Variants in ABLIM2 observed in about 807,000 individuals in gnomAD.
The protein encoded by ABLIM2 is actin binding LIM protein family member 2, also known as actin-binding LIM protein 2.
ABLIM2 carries 53 observed loss-of-function variants against 97.7 expected under a neutral mutation model. The observed-to-expected ratio is 0.54, with a 90% CI of 0.44 to 0.68. The LOEUF is 0.68. Ranked by LOEUF, ABLIM2 falls within the 30% of genes least tolerant of loss-of-function variation. The probability of loss-of-function intolerance (pLI) is 0.00; values close to 1 mark genes in which losing one functional copy is unlikely to be tolerated. For synonymous variants in ABLIM2, 361 were observed against 345.8 expected (o/e 1.04, Z -0.49); for missense variants, 835 against 867.2 (o/e 0.96, Z 0.47).
chr4:8,080,432 G>C (rs541678858), intron 5 of ABLIM2, among the ~76,000 whole-genome samples: 31 of 152,234 alleles, frequency 2.0e-4, no homozygotes, highest in Non-Finnish European at 4.1e-4. Context: ...AAAAAAAGGA[G>C]CCGGATGCTG....
rs1378356863 is a variant in ABLIM2 at position 8,130,936 on chromosome 4, C to A, written c.11-24299G>T. On this transcript the variant is annotated intron_variant, in intron 1 of 20. Coordinates refer to ENST00000447017, the MANE Select transcript of ABLIM2 (RefSeq NM_001130083.2). The surrounding 1 kb of genome is among the most constrained non-coding windows in gnomAD (Gnocchi z 4.2). ...AGGTGGCCCCAGGGCTGAGCTCCCC[C>A]AAAGGCTCTAGGGGAGGCTGCCGTT... Among the ~76,000 whole-genome samples, 2 of 152,298 alleles carry A rather than the reference C, an allele frequency of 1.3e-5. No individual in the cohort carries two copies. Among genetic ancestry groups the A allele is most frequent in the South Asian group, 2.1e-4 (1 of 4,834 alleles).
chr4:8,123,581 C>A lies in ABLIM2; in HGVS notation c.11-16944G>T, dbSNP rs1233431981. 6.6e-6 allele frequency among the ~76,000 whole-genome samples: 1 copy of A among 152,204 alleles called. No homozygotes were observed. The highest frequency in any genetic ancestry group is 1.5e-5 in the Non-Finnish European group (1 of 68,034). On this transcript the variant is annotated intron_variant, in intron 1 of 20. Coordinates refer to ENST00000447017, the MANE Select transcript of ABLIM2 (RefSeq NM_001130083.2). The surrounding 1 kb of genome is among the most constrained non-coding windows in gnomAD (Gnocchi z 6.2). ...TGGCTGGCCTGGAGCCCAGGGAAAGCCAGGCCAGGCAGGGGAAACTGGCTG... is the reference window on the plus strand; with the variant it reads ...TGGCTGGCCTGGAGCCCAGGGAAAGACAGGCCAGGCAGGGGAAACTGGCTG...
At chr4:8,006,965 G>A (rs578044723) in intron 16 of ABLIM2, 23 of 942,632 alleles carry the variant, frequency 2.4e-5, no homozygotes, top group Non-Finnish European at 2.8e-5. Context: ...CCAGGCGGGG[G>A]CAGAGGCCTG....
chr4:8,158,593 C>T, intron 1 of ABLIM2, 87 bp downstream of exon 1: 2 of 1,444,226 alleles, frequency 1.4e-6, no homozygotes, highest in Non-Finnish European at 9.2e-7. Flanking sequence ...CCCGGCGTTG[C>T]AGGTGCAGCC....
In ABLIM2 at chr4:8,001,594, G is replaced by C. The variant is rs1258774244; in HGVS notation, c.1618+6465C>G. Among the ~76,000 whole-genome samples, 1 of 152,072 alleles carries C rather than the reference G, an allele frequency of 6.6e-6. No homozygotes were observed. The highest frequency in any genetic ancestry group is 1.5e-5 in the Non-Finnish European group (1 of 67,990). The stretch of plus-strand genomic sequence containing the variant: ...TCTCTGGGGGCTCAGAGAGCACCCT[G>C]CCTGCCCAGCAGGAGGCCAGGCCTT... On this transcript the variant is annotated intron_variant, in intron 16 of 20. Transcript: ENST00000447017. This position sits in a 1 kb window ranked among gnomAD's most constrained non-coding sequence, Gnocchi z 4.2.
In ABLIM2 at chr4:8,019,389, T is replaced by C. The variant is rs1303232526; in HGVS notation, c.1423+229A>G. ...TGGCTGATGTGCATTAGCCTCGGCG[T>C]CGTAACGCACAGAAGTTCCTTACTC... On this transcript the variant is annotated intron_variant, in intron 14 of 20. Transcript: ENST00000447017. This position sits in a 1 kb window ranked among gnomAD's most constrained non-coding sequence, Gnocchi z 4.3. 6.6e-6 allele frequency among the ~76,000 whole-genome samples: 1 copy of C among 152,134 alleles called. No homozygotes were observed. Among genetic ancestry groups the C allele is most frequent in the Non-Finnish European group, 1.5e-5 (1 of 68,024 alleles).
intron 3 of ABLIM2, 71 bp from the exon 4 acceptor site, chr4:8,088,355 G>T: frequency 7.9e-7 from 1 of 1,263,456 alleles, no homozygotes; most frequent in Non-Finnish European, 1.1e-6. Context: ...CTGTCCCAGT[G>T]CAGGAGACCA....
At position 8,128,168 on chromosome 4, in the gene ABLIM2, T is replaced by A. The variant is rs1034581141; in HGVS notation, c.11-21531A>T. ...AGGGCTCCTGTTTCTGCCCCCACCT[T>A]CACAGGCCGTCTTCCCTGTGTGTCT... On this transcript the variant is annotated intron_variant, in intron 1 of 20. Transcript: ENST00000447017. This position sits in a 1 kb window ranked among gnomAD's most constrained non-coding sequence, Gnocchi z 4.9. 1.3e-5 allele frequency among the ~76,000 whole-genome samples: 2 copies of A among 152,152 alleles called. No individual in the cohort carries two copies. Among genetic ancestry groups the A allele is most frequent in the Non-Finnish European group, 2.9e-5 (2 of 68,022 alleles).
In ABLIM2 at chr4:8,027,318, C is replaced by T. The variant is rs139318666; in HGVS notation, c.1267+441G>A. On this transcript the variant is annotated intron_variant, in intron 12 of 20. Transcript: ENST00000447017. ...GAGTTGGAGCCACACTGGGTGTGAACCCTGCCCTGGGCCCCAGGAGCTCTG... is the reference window on the plus strand; with the variant it reads ...GAGTTGGAGCCACACTGGGTGTGAATCCTGCCCTGGGCCCCAGGAGCTCTG... 1.3e-3 allele frequency among the ~76,000 whole-genome samples: 203 copies of T among 152,292 alleles called. 1 individual carries two copies. The highest frequency in any genetic ancestry group is 4.6e-3 in the African/African-American group (193 of 41,554).
intron 3 of ABLIM2, among the ~76,000 whole-genome samples, chr4:8,090,521 G>A (rs1017118682): frequency 6.6e-6 from 1 of 152,082 alleles, no homozygotes; most frequent in African/African-American, 2.4e-5. Context: ...TGTGACAAAT[G>A]TACACACCCA....
At chr4:8,126,675 C>G (rs1848116268) in intron 1 of ABLIM2, among the ~76,000 whole-genome samples, 1 of 152,126 alleles carries the variant, frequency 6.6e-6, no homozygotes, top group Admixed American at 6.5e-5. Context: ...GCAGGTGCTA[C>G]TGCGTGGTGT....
chr4:8,044,202 A>C lies in ABLIM2; in HGVS notation c.900+962T>G, dbSNP rs1475583285. 6.6e-6 allele frequency among the ~76,000 whole-genome samples: 1 copy of C among 152,184 alleles called. No homozygotes were observed. Among genetic ancestry groups the C allele is most frequent in the Non-Finnish European group, 1.5e-5 (1 of 68,030 alleles). The stretch of plus-strand genomic sequence containing the variant: ...CAGTGGATCCAGCCTCCGCTGAGGC[A>C]TGAAGAACCCAGGTCCTGGCCTGGC... On this transcript the variant is annotated intron_variant, in intron 9 of 20. Transcript: ENST00000447017. This position sits in a 1 kb window ranked among gnomAD's most constrained non-coding sequence, Gnocchi z 4.4.
intron 2 of ABLIM2, among the ~76,000 whole-genome samples, chr4:8,105,073 C>T (rs529342902): frequency 5.9e-5 from 9 of 152,292 alleles, no homozygotes; most frequent in East Asian, 5.8e-4. Flanking sequence ...AAGCTCCTCG[C>T]GCTTCCAGAC....
At chr4:8,101,779 A>T (rs1834781776) in intron 2 of ABLIM2, among the ~76,000 whole-genome samples, 1 of 152,234 alleles carries the variant, frequency 6.6e-6, no homozygotes, top group South Asian at 2.1e-4. Flanking sequence ...GTTAAAACAT[A>T]TTCCCAAAGC....
intron 8 of ABLIM2, among the ~76,000 whole-genome samples, chr4:8,052,119 C>A (rs1178190219): frequency 6.6e-6 from 1 of 152,172 alleles, no homozygotes; most frequent in Non-Finnish European, 1.5e-5. Flanking sequence ...TTTTCTAATT[C>A]TACTAGAGAT....
chr4:8,116,514 G>T (rs577559870), intron 1 of ABLIM2, among the ~76,000 whole-genome samples: 2 of 152,306 alleles, frequency 1.3e-5, no homozygotes, highest in South Asian at 2.1e-4. Flanking sequence ...TTTGCAAGGG[G>T]TCTGTAAATG....
At chr4:8,114,221 T>A (rs1841690025) in intron 1 of ABLIM2, among the ~76,000 whole-genome samples, 1 of 152,178 alleles carries the variant, frequency 6.6e-6, no homozygotes, top group Non-Finnish European at 1.5e-5. Flanking sequence ...CCTGTGCTGA[T>A]GTGTGCTCAG....
At position 7,966,794 on chromosome 4, in the gene ABLIM2, GCC is replaced by G; in HGVS notation, c.*194_*195del. The G allele has an allele frequency of 1.8e-6, 1 of 570,370 alleles. No individual in the cohort carries two copies. The highest frequency in any genetic ancestry group is 2.3e-5 in the South Asian group (1 of 43,510). 35.3% of individuals were successfully genotyped at this position (570,370 alleles called of 1,614,324 possible). A position where few individuals can be genotyped will look rare whatever the true frequency, so the allele number is the denominator to read the frequency against. Reference sequence around the variant, plus strand: ...AGCGGGGAAGGGTGGCGTGAAGCTAGCCGTCTCGGCCCTAAACTACCGGCAGG... The same window carrying G: ...AGCGGGGAAGGGTGGCGTGAAGCTAGGTCTCGGCCCTAAACTACCGGCAGG... On this transcript the variant is annotated 3_prime_UTR_variant, in exon 21 of 21. Transcript: ENST00000447017.
chr4:8,087,063 G>A lies in ABLIM2; in HGVS notation c.454+1106C>T, dbSNP rs1051906143. Among the ~76,000 whole-genome samples the A allele has an allele frequency of 3.3e-5, 5 of 152,304 alleles. No individual in the cohort carries two copies. Among genetic ancestry groups the A allele is most frequent in the African/African-American group, 7.2e-5 (3 of 41,568 alleles). On this transcript the variant is annotated intron_variant, in intron 4 of 20. Coordinates refer to ENST00000447017, the MANE Select transcript of ABLIM2 (RefSeq NM_001130083.2). This position sits in a 1 kb window ranked among gnomAD's most constrained non-coding sequence, Gnocchi z 4.6. ...AATCGCCTCTGTAGAGACTCTCAAC[G>A]CAGCAGACAAGGTGGGGGAGAAAGG...
Sources: gnomAD v4.1 joint callset for allele counts (sites outside exome capture counted in the v4.1 genomes callset) on GRCh38, gnomAD v4.1.1 for gene constraint, Gnocchi (gnomAD v3.1) non-coding constraint, MANE v1.5 for transcripts, NCBI Gene and HGNC (gene_info 2026-07-23, HGNC 2026-07-21) for gene names.